The following HDAC9 variants were observed in gnomAD, a reference collection of about 807,000 sequenced individuals.
The protein encoded by HDAC9 is MEF-2 interacting transcription repressor (MITR) protein.
HDAC9 carries 41 observed loss-of-function variants against 139.4 expected under a neutral mutation model. The observed-to-expected ratio is 0.29, with a 90% CI of 0.23 to 0.38. The LOEUF (loss-of-function observed/expected upper bound fraction) is 0.38, where lower values mean the gene tolerates loss of function less well. Among genes scored for constraint, HDAC9 ranks in the 10% least tolerant of loss-of-function variants. The pLI is 1.00. For missense variants in HDAC9, 1,147 were observed against 1,297.0 expected, an observed-to-expected ratio of 0.88 and a Z score of 1.78; for synonymous variants, 517 against 476.2, an observed-to-expected ratio of 1.09 and a Z score of -1.12.
At chr7:18,175,177 C>T (rs1788787275) in intron 2 of HDAC9, among the ~76,000 whole-genome samples, 1 of 152,212 alleles carries the variant, frequency 6.6e-6, no homozygotes, top group African/African-American at 2.4e-5. Context: ...ACACCCCTCC[C>T]CCCTGCCAGG....
intron 1 of HDAC9, among the ~76,000 whole-genome samples, chr7:18,421,461 A>G (rs1043075807): frequency 4.0e-5 from 6 of 151,738 alleles, no homozygotes; most frequent in Admixed American, 2.0e-4. Flanking sequence ...AGAAAGAGAA[A>G]GAAAGAAAGA....
At chr7:18,765,518 C>T (rs1041547870) in intron 15 of HDAC9, among the ~76,000 whole-genome samples, 1 of 151,944 alleles carries the variant, frequency 6.6e-6, no homozygotes, top group African/African-American at 2.4e-5. Context: ...TGACGGGAGG[C>T]TGAGGCAGAA....
chr7:18,853,063 C>T (rs540576471), intron 21 of HDAC9, among the ~76,000 whole-genome samples: 17 of 152,146 alleles, frequency 1.1e-4, no homozygotes, highest in Middle Eastern at 3.4e-3. Flanking sequence ...TGAAAGTGTT[C>T]AGAATGTGGA....
At chr7:18,477,295 C>T (rs1795185188) in intron 1 of HDAC9, among the ~76,000 whole-genome samples, 1 of 152,118 alleles carries the variant, frequency 6.6e-6, no homozygotes, top group Admixed American at 6.5e-5. Flanking sequence ...ATAATAATAG[C>T]CTTTGAGACC....
chr7:18,691,665 T>A (rs968319462), intron 12 of HDAC9, among the ~76,000 whole-genome samples: 7 of 152,140 alleles, frequency 4.6e-5, no homozygotes, highest in African/African-American at 1.7e-4. Flanking sequence ...AATTTTAACA[T>A]TTATGCATTC....
At chr7:18,911,653 G>A (rs1802752284) in intron 22 of HDAC9, among the ~76,000 whole-genome samples, 1 of 151,316 alleles carries the variant, frequency 6.6e-6, no homozygotes, top group South Asian at 2.1e-4. Flanking sequence ...TGCCCTCTTA[G>A]TACTGTTTTT....
At chr7:18,162,559 A>C (rs1787706655) in intron 2 of HDAC9, 1 of 577,382 alleles carries the variant, frequency 1.7e-6, no homozygotes, top group Non-Finnish European at 3.1e-6. Flanking sequence ...TTTGATTTGC[A>C]TTGTAGTCTG....
chr7:18,310,520 A>AT (rs1295276524), intron 1 of HDAC9, among the ~76,000 whole-genome samples: 1 of 152,104 alleles, frequency 6.6e-6, no homozygotes, highest in Non-Finnish European at 1.5e-5. Context: ...TGCCAGTTGT[A>AT]TTTTTCTAAT....
At chr7:18,157,827 G>T (rs954067931) in intron 1 of HDAC9, among the ~76,000 whole-genome samples, 1 of 151,606 alleles carries the variant, frequency 6.6e-6, no homozygotes, top group Non-Finnish European at 1.5e-5. Flanking sequence ...GAGAGAGAGA[G>T]AGAGAGAGAG....
intron 21 of HDAC9, among the ~76,000 whole-genome samples, chr7:18,859,778 C>G (rs1797953276): frequency 7.6e-6 from 1 of 132,186 alleles, no homozygotes. Context: ...CTTTTTCTCT[C>G]CTCTTGAGAA....
chr7:18,311,642 C>T (rs1799324180), intron 1 of HDAC9, among the ~76,000 whole-genome samples: 1 of 152,104 alleles, frequency 6.6e-6, no homozygotes, highest in Admixed American at 6.5e-5. Context: ...CCAAAGCCCT[C>T]GCTCATAGTA....
chr7:18,698,497 G>A (rs544577151), intron 12 of HDAC9, among the ~76,000 whole-genome samples: 1 of 152,302 alleles, frequency 6.6e-6, no homozygotes, highest in South Asian at 2.1e-4. Context: ...TTAATAGCTT[G>A]CCACACTTTG....
At chr7:18,242,146 C>T (rs546518621) in intron 2 of HDAC9, among the ~76,000 whole-genome samples, 3 of 152,312 alleles carry the variant, frequency 2.0e-5, no homozygotes, top group African/African-American at 7.2e-5. Context: ...CAGCATTCTA[C>T]CACATTCTGA....
At chr7:18,804,753 A>G (rs1793569477) in intron 17 of HDAC9, among the ~76,000 whole-genome samples, 1 of 152,186 alleles carries the variant, frequency 6.6e-6, no homozygotes, top group South Asian at 2.1e-4. Context: ...AGTTCACATT[A>G]CAAAAGACTA....
At chr7:18,928,692 A>T (rs866804210) in intron 22 of HDAC9, among the ~76,000 whole-genome samples, 52 of 152,192 alleles carry the variant, frequency 3.4e-4, no homozygotes, top group African/African-American at 1.2e-3. Flanking sequence ...GTATTTTTAA[A>T]AAACCAGAAT....
chr7:18,945,505 A>G (rs138445131), intron 23 of HDAC9, among the ~76,000 whole-genome samples: 141 of 152,324 alleles, frequency 9.3e-4, no homozygotes, highest in African/African-American at 3.2e-3. Context: ...TAATTTATCA[A>G]TCTTTTCCTG....
chr7:18,781,767 G>A (rs1791261570), intron 16 of HDAC9, among the ~76,000 whole-genome samples: 1 of 151,974 alleles, frequency 6.6e-6, no homozygotes. Flanking sequence ...ACTTAGGTGG[G>A]AAAAGGTAAT....
At chr7:18,829,771 C>T (rs961318693) in intron 19 of HDAC9, among the ~76,000 whole-genome samples, 3 of 152,158 alleles carry the variant, frequency 2.0e-5, no homozygotes, top group Admixed American at 6.5e-5. Context: ...GAGAAGAAGG[C>T]GCAGATCAGG....
chr7:18,948,363 C>G (rs1782551161), intron 23 of HDAC9, among the ~76,000 whole-genome samples: 1 of 151,888 alleles, frequency 6.6e-6, no homozygotes, highest in Non-Finnish European at 1.5e-5. Context: ...GTAAATTTAA[C>G]AAAGTGGGTA....
Sources: allele counts gnomAD v4.1 joint callset (sites outside exome capture counted in the v4.1 genomes callset), GRCh38; gene constraint gnomAD v4.1.1; transcripts MANE v1.5; gene names NCBI Gene and HGNC (gene_info 2026-07-23, HGNC 2026-07-21).